The following MRPL1 variants were observed in gnomAD, a reference collection of about 807,000 sequenced individuals.
The protein encoded by MRPL1 is mitochondrial ribosomal protein L1, also known as large ribosomal subunit protein uL1m.
In MRPL1, 28 loss-of-function variants were observed where a neutral mutation model predicts 38.0. The ratio of observed to expected loss-of-function variants is 0.74; its 90% confidence interval spans 0.55 to 1.01. The LOEUF is 1.01. MRPL1 is among the 50% of genes least tolerant of loss of function. The probability of loss-of-function intolerance (pLI) is 0.00; values close to 1 mark genes in which losing one functional copy is unlikely to be tolerated. For synonymous variants in MRPL1, 123 were observed against 126.7 expected, an observed-to-expected ratio of 0.97 and a Z score of 0.20; for missense variants, 358 against 389.8, an observed-to-expected ratio of 0.92 and a Z score of 0.69.
intron 2 of MRPL1, among the ~76,000 whole-genome samples, chr4:77,874,281 C>T (rs540408341): frequency 1.0e-3 from 155 of 152,196 alleles, no homozygotes; most frequent in Admixed American, 1.9e-3. Flanking sequence ...CTACCGCACC[C>T]GGACCGCCTG....
At chr4:77,871,917 T>A (rs1449194138) in intron 2 of MRPL1, 62 bp downstream of exon 2, 7 of 1,079,962 alleles carry the variant, frequency 6.5e-6, no homozygotes, top group Non-Finnish European at 9.7e-6. Flanking sequence ...TTAAAAAGCA[T>A]GTTTAGTTCC....
rs36001019 is a variant in MRPL1, at chr4:77,921,772, G to GT, written c.777+12415dup. On this transcript the variant is annotated intron_variant, in intron 7 of 8. Transcript: ENST00000315567. The stretch of plus-strand genomic sequence containing the variant: ...TGAATAGAAAAGCCTTTCGTGCAGA[G>GT]TTTTTTTTTTTTTTTAACATCAGGA... Among the ~76,000 whole-genome samples the GT allele has an allele frequency of 9.4e-3, 1,360 of 144,002 alleles. 5 individuals carry two copies. The highest frequency in any genetic ancestry group is 0.016 in the Non-Finnish European group (1,010 of 65,132). The allele number at this position is 144,002 out of a possible 152,430, so 94.5% of individuals were successfully genotyped here. A position where few individuals can be genotyped will look rare whatever the true frequency, so the allele number is the denominator to read the frequency against.
intron 5 of MRPL1, among the ~76,000 whole-genome samples, chr4:77,890,489 A>G (rs541095350): frequency 5.7e-4 from 87 of 152,328 alleles, no homozygotes; most frequent in African/African-American, 2.0e-3. Context: ...ACATATCTCA[A>G]AACAATAAGA....
At chr4:77,880,036 C>T (rs931521319) in intron 2 of MRPL1, among the ~76,000 whole-genome samples, 2 of 152,130 alleles carry the variant, frequency 1.3e-5, no homozygotes, top group African/African-American at 4.8e-5. Flanking sequence ...TCATCCATTT[C>T]TTTCACATCA....
intron 7 of MRPL1, among the ~76,000 whole-genome samples, chr4:77,914,711 G>T (rs930424316): frequency 2.9e-5 from 4 of 139,276 alleles, no homozygotes; most frequent in African/African-American, 1.2e-4. Context: ...TGTGGTATTT[G>T]TGTGTGTGTG....
intron 7 of MRPL1, among the ~76,000 whole-genome samples, chr4:77,929,967 C>T (rs1736808106): frequency 6.6e-6 from 1 of 152,172 alleles, no homozygotes; most frequent in Non-Finnish European, 1.5e-5. Flanking sequence ...CTGAATGCAG[C>T]TGTTATAAAT....
chr4:77,864,018 T>C (rs1735069981), intron 1 of MRPL1, among the ~76,000 whole-genome samples: 4 of 139,878 alleles, frequency 2.9e-5, no homozygotes, highest in Non-Finnish European at 6.1e-5. Context: ...TTTTTTTTTT[T>C]TGAGTTTCTT....
intron 1 of MRPL1, among the ~76,000 whole-genome samples, chr4:77,869,538 T>C (rs1004831973): frequency 3.9e-5 from 6 of 152,156 alleles, no homozygotes; most frequent in African/African-American, 1.4e-4. Context: ...TTTCTGGTTG[T>C]CATGACTGAT....
chr4:77,909,354 C>G lies in MRPL1; in HGVS notation c.759C>G (p.Leu253=). 6.3e-7 allele frequency: 1 copy of G among 1,585,188 alleles called. No homozygotes were observed. The highest frequency in any genetic ancestry group is 8.6e-7 in the Non-Finnish European group (1 of 1,157,794). The part of the protein sequence containing the change: ...IKVDEERENF[L]QTKIATLDMS... ...TAGATGAAGAAAGGGAGAACTTTCT[C>G]CAGACCAAAATAGCAACAGTAAGTT... Residue 253 remains leucine, a synonymous_variant, in exon 7 of 9, where the codon CTC becomes CTG. Transcript: ENST00000315567.
At chr4:77,904,977 G>T (rs940734094) in intron 6 of MRPL1, among the ~76,000 whole-genome samples, 3 of 152,032 alleles carry the variant, frequency 2.0e-5, no homozygotes, top group Admixed American at 6.6e-5. Flanking sequence ...AGCTATAGAA[G>T]AAAAAATTGC....
Position 77,892,306 on chromosome 4 carries a change from T to A in MRPL1, c.559-1833T>A, listed in dbSNP as rs548447879. Among the ~76,000 whole-genome samples, 29 of 152,062 alleles carry A rather than the reference T, an allele frequency of 1.9e-4. No homozygotes were observed. The South Asian group carries it at 5.4e-3, about 28-fold the overall frequency. ...GCCACCACGCCCAGCTAATTTTTTT[T>A]ATTTTTAGTAGAGATGGGGTTTCAC... is the stretch of plus-strand genomic sequence containing the variant. On this transcript the variant is annotated intron_variant, in intron 5 of 8. Coordinates refer to ENST00000315567, the MANE Select transcript of MRPL1 (RefSeq NM_020236.4).
intron 7 of MRPL1, among the ~76,000 whole-genome samples, chr4:77,915,962 C>T (rs533107969): frequency 1.4e-4 from 21 of 152,238 alleles, no homozygotes; most frequent in African/African-American, 4.1e-4. Context: ...TAAAAGCAAG[C>T]TGCCAAGAGA....
At chr4:77,937,078 T>G (rs1264336718) in intron 7 of MRPL1, among the ~76,000 whole-genome samples, 1 of 152,036 alleles carries the variant, frequency 6.6e-6, no homozygotes, top group Non-Finnish European at 1.5e-5. Context: ...TGAGGTGTGT[T>G]AGTGTCATTG....
chr4:77,903,855 T>C (rs1293864977), intron 6 of MRPL1, among the ~76,000 whole-genome samples: 2 of 152,002 alleles, frequency 1.3e-5, no homozygotes, highest in Non-Finnish European at 2.9e-5. Context: ...AGATTGAATG[T>C]AATCCCAACC....
intron 7 of MRPL1, among the ~76,000 whole-genome samples, chr4:77,914,496 A>G (rs78803115): frequency 0.034 from 5,143 of 152,300 alleles, 279 homozygotes; most frequent in African/African-American, 0.12. Flanking sequence ...AACGTGCAGT[A>G]TGTCAAGTTT....
chr4:77,865,700 T>C (rs1735113601), intron 1 of MRPL1, among the ~76,000 whole-genome samples: 1 of 152,174 alleles, frequency 6.6e-6, no homozygotes, highest in Non-Finnish European at 1.5e-5. Context: ...TTACATTAAA[T>C]AGTTTGCAAA....
At chr4:77,937,039 T>G (rs1470494502) in intron 7 of MRPL1, among the ~76,000 whole-genome samples, 2 of 152,002 alleles carry the variant, frequency 1.3e-5, no homozygotes, top group Non-Finnish European at 2.9e-5. Context: ...ATAGGAAGAT[T>G]GCTTGAGGCC....
intron 7 of MRPL1, among the ~76,000 whole-genome samples, chr4:77,945,819 C>T (rs1737250193): frequency 6.6e-6 from 1 of 151,532 alleles, no homozygotes; most frequent in Admixed American, 6.6e-5. Context: ...CTTCAAAGGG[C>T]AAAAAGGAGA....
At chr4:77,899,234 T>G (rs754098843) in intron 6 of MRPL1, among the ~76,000 whole-genome samples, 1 of 150,784 alleles carries the variant, frequency 6.6e-6, no homozygotes, top group Non-Finnish European at 1.5e-5. Flanking sequence ...CTTGAACTCA[T>G]GAGCTCAAGT....
Sources: gnomAD v4.1 joint callset for allele counts (sites outside exome capture counted in the v4.1 genomes callset) on GRCh38, gnomAD v4.1.1 for gene constraint, MANE v1.5 for transcripts, NCBI Gene and HGNC (gene_info 2026-07-23, HGNC 2026-07-21) for gene names.